Variants in MAML2 observed in about 807,000 individuals in gnomAD.
MAML2 encodes mastermind-like protein 2.
Under a neutral mutation model 96.1 loss-of-function variants are expected in MAML2, and 22 were observed. That is an observed-to-expected ratio of 0.23 (90% confidence interval 0.16 to 0.33). MAML2 has a LOEUF of 0.33. Among genes scored for constraint, MAML2 ranks in the 10% least tolerant of loss-of-function variants. The pLI is 1.00. For missense variants in MAML2, 1,367 were observed against 1,392.4 expected, an observed-to-expected ratio of 0.98 and a Z score of 0.29; for synonymous variants, 561 against 521.3, an observed-to-expected ratio of 1.08 and a Z score of -1.04.
intron 1 of MAML2, among the ~76,000 whole-genome samples, chr11:96,142,321 C>T (rs1030365677): frequency 2.6e-5 from 4 of 152,242 alleles, no homozygotes; most frequent in Admixed American, 2.0e-4. Context: ...TCTGAAGGGG[C>T]TAGAGTTCCC....
intron 1 of MAML2, among the ~76,000 whole-genome samples, chr11:96,208,410 C>T (rs910052191): frequency 6.6e-6 from 1 of 152,152 alleles, no homozygotes; most frequent in Non-Finnish European, 1.5e-5. Context: ...TTTAGCATTT[C>T]AGCATTGATT....
intron 2 of MAML2, among the ~76,000 whole-genome samples, chr11:96,064,133 G>A (rs1175200815): frequency 3.3e-5 from 5 of 152,162 alleles, no homozygotes; most frequent in African/African-American, 9.7e-5. Flanking sequence ...TCCTAAGCAC[G>A]GCAATATTTA....
intron 1 of MAML2, among the ~76,000 whole-genome samples, chr11:96,144,684 AAAT>A (rs1296597288): frequency 2.0e-5 from 3 of 152,250 alleles, no homozygotes; most frequent in African/African-American, 7.2e-5. Context: ...AAACAGTAAC[AAAT>A]AATAAGAATA....
At chr11:96,125,577 T>C (rs2009593520) in intron 1 of MAML2, among the ~76,000 whole-genome samples, 5 of 152,148 alleles carry the variant, frequency 3.3e-5, no homozygotes, top group Admixed American at 3.3e-4. Context: ...TTGGCACACA[T>C]ATTACGAAAT....
intron 1 of MAML2, among the ~76,000 whole-genome samples, chr11:96,249,379 C>T (rs570611733): frequency 6.6e-6 from 1 of 152,266 alleles, no homozygotes; most frequent in East Asian, 1.9e-4. Flanking sequence ...CATAAATGTA[C>T]ACTTTTAAGC....
chr11:96,159,788 C>CGCTGCCA (rs934018310), intron 1 of MAML2, among the ~76,000 whole-genome samples: 1 of 152,154 alleles, frequency 6.6e-6, no homozygotes, highest in Admixed American at 6.5e-5. Flanking sequence ...GTACAGCTTA[C>CGCTGCCA]GCTGCCAGCC....
intron 1 of MAML2, among the ~76,000 whole-genome samples, chr11:96,099,737 A>G (rs140558948): frequency 6.6e-6 from 1 of 152,276 alleles, no homozygotes; most frequent in East Asian, 1.9e-4. Context: ...TCACAAGCAA[A>G]TTAATGGTTC....
rs117861939 is a variant in MAML2 at position 96,322,216 on chromosome 11, A to C, written c.513+19167T>G. ...ACTTAGCTTTAACCTTTTCTCCAAG[A>C]AGTTCCCCACAATGACAAGGAGACA... On this transcript the variant is annotated intron_variant, in intron 1 of 4. Coordinates refer to ENST00000524717, the MANE Select transcript of MAML2 (RefSeq NM_032427.4). Among the ~76,000 whole-genome samples the C allele has an allele frequency of 5.2e-3, 799 of 152,262 alleles. 8 individuals are homozygous for C. Among genetic ancestry groups the C allele is most frequent in the South Asian group, 0.019 (93 of 4,820 alleles).
intron 1 of MAML2, among the ~76,000 whole-genome samples, chr11:96,291,188 C>G (rs980314335): frequency 7.9e-6 from 1 of 126,172 alleles, no homozygotes; most frequent in Non-Finnish European, 1.6e-5. Flanking sequence ...TGCAATGGCG[C>G]AATATCGGTT....
At chr11:96,108,986 C>CT (rs1860074196) in intron 1 of MAML2, among the ~76,000 whole-genome samples, 1 of 150,778 alleles carries the variant, frequency 6.6e-6, no homozygotes, top group African/African-American at 2.4e-5. Flanking sequence ...GATCATGCCA[C>CT]TGCACAACAG....
chr11:96,287,363 G>A lies in MAML2; in HGVS notation c.513+54020C>T, dbSNP rs60362074. Among the ~76,000 whole-genome samples the A allele has an allele frequency of 6.2e-3, 948 of 152,312 alleles. 10 individuals are homozygous for A. The highest frequency in any genetic ancestry group is 0.022 in the African/African-American group (900 of 41,556). ...ATTCATCTGACAAAACCCCTCTGGA[G>A]GATGTACAGGGGATTATGTGAATGC... On this transcript the variant is annotated intron_variant, in intron 1 of 4. Transcript: ENST00000524717.
At chr11:96,020,095 C>A in intron 2 of MAML2, among the ~76,000 whole-genome samples, 1 of 152,166 alleles carries the variant, frequency 6.6e-6, no homozygotes, top group Non-Finnish European at 1.5e-5. Context: ...GCAGAGGGAA[C>A]AACCTTGCAC....
intron 1 of MAML2, among the ~76,000 whole-genome samples, chr11:96,105,663 T>C (rs1331466443): frequency 6.6e-6 from 1 of 152,232 alleles, no homozygotes; most frequent in Non-Finnish European, 1.5e-5. Flanking sequence ...CAACTGTATC[T>C]AGGCTCAATA....
intron 1 of MAML2, among the ~76,000 whole-genome samples, chr11:96,221,919 C>T (rs984581900): frequency 1.2e-4 from 18 of 152,092 alleles, no homozygotes; most frequent in African/African-American, 4.3e-4. Flanking sequence ...CTACTCTGTA[C>T]GGTTTTCATT....
At chr11:96,230,313 C>T (rs1283486261) in intron 1 of MAML2, among the ~76,000 whole-genome samples, 4 of 152,178 alleles carry the variant, frequency 2.6e-5, no homozygotes, top group Admixed American at 2.6e-4. Context: ...ATATGTTTTG[C>T]TCATTCAAAT....
intron 1 of MAML2, among the ~76,000 whole-genome samples, chr11:96,157,433 G>C (rs535378119): frequency 1.3e-5 from 2 of 152,362 alleles, no homozygotes; most frequent in East Asian, 3.9e-4. Flanking sequence ...GCTACAGTAG[G>C]AGAATAATTT....
In MAML2 at chr11:96,288,554, A is replaced by C. The variant is rs554570327; in HGVS notation, c.513+52829T>G. 8.6e-5 allele frequency among the ~76,000 whole-genome samples: 13 copies of C among 151,968 alleles called. No individual in the cohort carries two copies. The East Asian group carries it at 2.5e-3, about 29-fold the overall frequency. On this transcript the variant is annotated intron_variant, in intron 1 of 4. Coordinates refer to ENST00000524717, the MANE Select transcript of MAML2 (RefSeq NM_032427.4). ...CGAGACTCTGTCTCAAAAAAAAAAAAAAAAAAACAACCAAAAACAGATAAG... is the reference window on the plus strand; with the variant it reads ...CGAGACTCTGTCTCAAAAAAAAAAACAAAAAAACAACCAAAAACAGATAAG...
intron 2 of MAML2, among the ~76,000 whole-genome samples, chr11:96,042,613 T>C (rs1858833215): frequency 6.6e-6 from 1 of 152,230 alleles, no homozygotes; most frequent in East Asian, 1.9e-4. Context: ...GCTCCCATCC[T>C]ACCTTTTCGT....
At chr11:95,988,750 T>C (rs979124035) in intron 3 of MAML2, among the ~76,000 whole-genome samples, 1 of 152,020 alleles carries the variant, frequency 6.6e-6, no homozygotes, top group African/African-American at 2.4e-5. Context: ...CAATACTGAA[T>C]AGAGATGGCT....
Sources: allele counts gnomAD v4.1 joint callset (sites outside exome capture counted in the v4.1 genomes callset), GRCh38; gene constraint gnomAD v4.1.1; transcripts MANE v1.5; gene names NCBI Gene and HGNC (gene_info 2026-07-23, HGNC 2026-07-21).